CCDC7: variants seen among roughly 807,000 people sequenced by gnomAD.
The protein encoded by CCDC7 is coiled-coil domain containing 7.
CCDC7 carries 183 observed loss-of-function variants against 196.9 expected under a neutral mutation model. The observed-to-expected ratio is 0.93, with a 90% confidence interval of 0.82 to 1.05. The LOEUF is 1.05. CCDC7 is among the 50% of genes least tolerant of loss of function. The pLI is 0.00. For missense variants in CCDC7, 1,540 were observed against 1,482.2 expected (o/e 1.04, Z -0.64); for synonymous variants, 525 against 484.6 (o/e 1.08, Z -1.10).
At chr10:32,458,060 T>G (rs1314351231) in intron 3 of CCDC7, among the ~76,000 whole-genome samples, 2 of 152,204 alleles carry the variant, frequency 1.3e-5, no homozygotes, top group Non-Finnish European at 2.9e-5. Flanking sequence ...TTTTTGCTTG[T>G]GTTGCCTATG....
intron 28 of CCDC7, among the ~76,000 whole-genome samples, chr10:32,759,046 G>A (rs1394715862): frequency 6.6e-6 from 1 of 152,106 alleles, no homozygotes; most frequent in African/African-American, 2.4e-5. Context: ...GGGATGTGAA[G>A]GACCTCTTCA....
At chr10:32,446,953 C>G (rs1309988078), upstream of CCDC7, among the ~76,000 whole-genome samples, 1 of 140,654 alleles carries the variant, frequency 7.1e-6, no homozygotes, top group Non-Finnish European at 1.6e-5. Flanking sequence ...CTTCCTCCCT[C>G]CCTCCCTCCC....
chr10:32,506,998 C>A (rs116978905), intron 9 of CCDC7, among the ~76,000 whole-genome samples: 2,129 of 152,228 alleles, frequency 0.014, 18 homozygotes, highest in Non-Finnish European at 0.018. Context: ...CATGGAGTAT[C>A]TTTTTCCATC....
chr10:32,759,202 C>T lies in CCDC7; in HGVS notation c.2906-19775C>T, dbSNP rs528974289. Among the ~76,000 whole-genome samples, 907 of 152,302 alleles carry T rather than the reference C, an allele frequency of 6.0e-3. 9 individuals carry two copies. The highest frequency in any genetic ancestry group is 0.021 in the African/African-American group (865 of 41,574). On this transcript the variant is annotated intron_variant, in intron 28 of 41. Transcript: ENST00000639629. ...TTTATAGATTCAATGCCATCCCCAT[C>T]AAGCTACCAATGACTTTCTTCACAG... is the stretch of plus-strand genomic sequence containing the variant.
At chr10:32,461,737 A>ATATATATATATATATATGTG (rs2035762259) in intron 3 of CCDC7, among the ~76,000 whole-genome samples, 1 of 69,484 alleles carries the variant, frequency 1.4e-5, no homozygotes, top group African/African-American at 5.9e-5. Context: ...ATATGTATAT[A>ATATATATATATATATATGTG]TATATATATA....
chr10:32,614,693 C>T (rs796749524), intron 18 of CCDC7, among the ~76,000 whole-genome samples: 40 of 152,274 alleles, frequency 2.6e-4, no homozygotes, highest in African/African-American at 8.4e-4. Flanking sequence ...GATTGACTTA[C>T]CCTGCTTTCC....
downstream of CCDC7, among the ~76,000 whole-genome samples, chr10:32,880,716 T>C: frequency 6.6e-6 from 1 of 152,204 alleles, no homozygotes; most frequent in Non-Finnish European, 1.5e-5. Context: ...AGTTAATTTT[T>C]GTATAAGGTG....
rs372979353 is a variant in CCDC7, at chr10:32,467,558, G to GT, written c.511-3498dup. Reference sequence around the variant, plus strand: ...AGGTTGCCTGTTTACTCTGTTGGTAGTTTTTTTTGCTGCACAGAAGCTCTT... The same window carrying GT: ...AGGTTGCCTGTTTACTCTGTTGGTAGTTTTTTTTTGCTGCACAGAAGCTCTT... On this transcript the variant is annotated intron_variant, in intron 5 of 41. Coordinates refer to ENST00000639629, the Ensembl canonical transcript of CCDC7. Among the ~76,000 whole-genome samples the GT allele has an allele frequency of 2.1e-4, 32 of 151,974 alleles. No homozygotes were observed. The Middle Eastern group carries it at 0.014, about 65-fold the overall frequency.
At chr10:32,843,464 A>T (rs1235687970) in intron 33 of CCDC7, among the ~76,000 whole-genome samples, 1 of 152,034 alleles carries the variant, frequency 6.6e-6, no homozygotes, top group Non-Finnish European at 1.5e-5. Context: ...TGAACATCTT[A>T]AAAAACATTG....
intron 20 of CCDC7, among the ~76,000 whole-genome samples, chr10:32,635,723 T>C (rs1244067837): frequency 6.6e-6 from 1 of 151,926 alleles, no homozygotes; most frequent in Non-Finnish European, 1.5e-5. Context: ...GGTATTTGCA[T>C]GATACATTTT....
chr10:32,867,483 G>T (rs2094244116), intron 41 of CCDC7, among the ~76,000 whole-genome samples: 1 of 150,968 alleles, frequency 6.6e-6, no homozygotes, highest in Non-Finnish European at 1.5e-5. Flanking sequence ...ATAAATTCTA[G>T]AAGGGATTGG....
At chr10:32,668,456 A>G (rs1167651789) in intron 21 of CCDC7, among the ~76,000 whole-genome samples, 1 of 152,030 alleles carries the variant, frequency 6.6e-6, no homozygotes, top group Non-Finnish European at 1.5e-5. Context: ...CCAGTTTTCA[A>G]AGGGAATGCT....
chr10:32,842,629 A>T (rs930289370), intron 33 of CCDC7, among the ~76,000 whole-genome samples: 10 of 152,130 alleles, frequency 6.6e-5, no homozygotes, highest in African/African-American at 1.9e-4. Context: ...TTATACAAAA[A>T]TATACTTGCA....
At chr10:32,488,496 A>G (rs111914477) in intron 8 of CCDC7, among the ~76,000 whole-genome samples, 7,963 of 152,080 alleles carry the variant, frequency 0.052, 690 homozygotes, top group African/African-American at 0.18. Flanking sequence ...AGTGTCCTGC[A>G]CCCACTTTCC....
intron 20 of CCDC7, among the ~76,000 whole-genome samples, chr10:32,656,652 G>A (rs996893729): frequency 6.6e-6 from 1 of 152,172 alleles, no homozygotes; most frequent in Non-Finnish European, 1.5e-5. Flanking sequence ...CATGTCATGT[G>A]GGGATTATGG....
intron 9 of CCDC7, among the ~76,000 whole-genome samples, chr10:32,498,180 A>T (rs1193414036): frequency 1.3e-5 from 2 of 152,042 alleles, no homozygotes; most frequent in African/African-American, 2.4e-5. Context: ...TGCTGCTTTA[A>T]AGTCTGTTTC....
intron 21 of CCDC7, among the ~76,000 whole-genome samples, chr10:32,664,940 A>G (rs1366223212): frequency 6.6e-6 from 1 of 151,994 alleles, no homozygotes; most frequent in Non-Finnish European, 1.5e-5. Context: ...AACAGTGTAC[A>G]AGTGTTCCCT....
intron 21 of CCDC7, among the ~76,000 whole-genome samples, chr10:32,665,131 G>T (rs1400090765): frequency 6.6e-6 from 1 of 151,932 alleles, no homozygotes. Context: ...TGTCTATTCA[G>T]ATCCCATACT....
chr10:32,848,625 TC>T lies in CCDC7; in HGVS notation c.3804del (p.Val1269TyrfsTer21), dbSNP rs746566227. 2.7e-6 allele frequency: 4 copies of T among 1,507,542 alleles called. No homozygotes were observed. The Admixed American group carries it at 6.7e-5, about 25-fold the overall frequency. 93.4% of individuals were successfully genotyped at this position (1,507,542 alleles called of 1,614,324 possible). On this transcript the variant is annotated frameshift_variant, in exon 39 of 42. Coordinates refer to ENST00000639629, the Ensembl canonical transcript of CCDC7. LOFTEE classifies it high-confidence loss of function. ...GAACTTATTTAAAAACAAAGATATG[TC>T]CGTACAACGTCAAGAAGGTATCTTT...
Sources: gnomAD v4.1 joint callset for allele counts (sites outside exome capture counted in the v4.1 genomes callset) on GRCh38, gnomAD v4.1.1 for gene constraint, MANE v1.5 for transcripts, NCBI Gene and HGNC (gene_info 2026-07-23, HGNC 2026-07-21) for gene names.